TRPM8: variants seen among roughly 807,000 people sequenced by gnomAD.
TRPM8 encodes transient receptor potential cation channel subfamily M member 8, also known as TRPM8 cationic channel.
A neutral mutation model predicts 133.7 loss-of-function variants in TRPM8; 110 were observed. The ratio of observed to expected loss-of-function variants is 0.82; its 90% CI spans 0.70 to 0.96. The LOEUF is 0.96. Among genes scored for constraint, TRPM8 ranks in the 40% least tolerant of loss-of-function variants. TRPM8 has a pLI of 0.00. For missense variants in TRPM8, 1,291 were observed against 1,379.5 expected, an observed-to-expected ratio of 0.94 and a Z score of 1.02; for synonymous variants, 535 against 532.3, an observed-to-expected ratio of 1.01 and a Z score of -0.07.
In TRPM8 at chr2:234,017,452, A is replaced by G. The variant is rs1692984713; in HGVS notation, c.*196A>G. Reference sequence around the variant, plus strand: ...TGATTGGTTTCATACTTGAAGACGGATATAAAGGAAGAATATTTCCTTTAT... The same window carrying G: ...TGATTGGTTTCATACTTGAAGACGGGTATAAAGGAAGAATATTTCCTTTAT... On this transcript the variant is annotated 3_prime_UTR_variant, in exon 26 of 26. Transcript: ENST00000324695. The G allele has an allele frequency of 4.5e-6, 2 of 447,684 alleles. No homozygotes were observed. The highest frequency in any genetic ancestry group is 9.2e-6 in the Non-Finnish European group (2 of 217,796). The allele number at this position is 447,684 out of a possible 1,614,324, so 27.7% of individuals were successfully genotyped here. A position where few individuals can be genotyped will look rare whatever the true frequency, so the allele number is the denominator to read the frequency against.
intron 3 of TRPM8, among the ~76,000 whole-genome samples, chr2:233,936,336 A>G (rs1172385320): frequency 6.6e-6 from 1 of 152,198 alleles, no homozygotes; most frequent in Non-Finnish European, 1.5e-5. Context: ...AGGGAAGAGG[A>G]TTTACCACTG....
Position 234,018,804 on chromosome 2 carries a change from C to T in TRPM8, c.*1548C>T, listed in dbSNP as rs1173851782. The T allele has an allele frequency of 6.6e-6, 1 of 151,380 alleles. No individual in the cohort carries two copies. Among genetic ancestry groups the T allele is most frequent in the Non-Finnish European group, 1.5e-5 (1 of 67,954 alleles). The allele number at this position is 151,380 out of a possible 1,614,324, so 9.4% of individuals were successfully genotyped here. A position where few individuals can be genotyped will look rare whatever the true frequency, so the allele number is the denominator to read the frequency against. On this transcript the variant is annotated 3_prime_UTR_variant, in exon 26 of 26. Transcript: ENST00000324695. ...AGGTTGCAGTGAACCAAGATTGCAC[C>T]ACTGCACTCCAGCCGGGGTGACAGA...
intron 20 of TRPM8, among the ~76,000 whole-genome samples, chr2:233,985,412 G>A (rs1692121044): frequency 6.6e-6 from 1 of 152,226 alleles, no homozygotes; most frequent in South Asian, 2.1e-4. Context: ...TATCCAAAGA[G>A]GCTGGAACGT....
chr2:233,971,625 C>T (rs1318625145), intron 17 of TRPM8, among the ~76,000 whole-genome samples: 1 of 152,044 alleles, frequency 6.6e-6, no homozygotes, highest in Non-Finnish European at 1.5e-5. Context: ...AGTGTTACAG[C>T]TCTTAAGGTG....
At chr2:233,971,741 C>T (rs540962921) in intron 17 of TRPM8, among the ~76,000 whole-genome samples, 61 of 152,072 alleles carry the variant, frequency 4.0e-4, no homozygotes, top group African/African-American at 1.3e-3. Context: ...CAGACCTTTG[C>T]GGTGAGTGTT....
At chr2:234,008,175 C>A in intron 24 of TRPM8, 72 bp downstream of exon 24, 1 of 1,427,388 alleles carries the variant, frequency 7.0e-7, no homozygotes, top group Non-Finnish European at 9.6e-7. Flanking sequence ...CAGCTAGAGG[C>A]CAGTAGTTGT....
intron 11 of TRPM8, among the ~76,000 whole-genome samples, chr2:233,956,611 A>G (rs2125153870): frequency 6.6e-6 from 1 of 152,360 alleles, no homozygotes; most frequent in Admixed American, 6.5e-5. Context: ...CATAACTTTC[A>G]TTCTTGGCAG....
In TRPM8 at chr2:233,989,805, G is replaced by A. The variant is rs933688957; in HGVS notation, c.2939+3940G>A. Among the ~76,000 whole-genome samples the A allele has an allele frequency of 6.6e-6, 1 of 152,120 alleles. No individual in the cohort carries two copies. The highest frequency in any genetic ancestry group is 1.5e-5 in the Non-Finnish European group (1 of 68,022). On this transcript the variant is annotated intron_variant, in intron 21 of 25. Transcript: ENST00000324695. This position sits in a 1 kb window ranked among gnomAD's most constrained non-coding sequence, Gnocchi z 4.2. ...TTCTACATTAAAATTATCGATCACA[G>A]GGCCTGTGTGGCTTATCAGCGGCAG...
chr2:234,015,875 C>T (rs577581796), intron 25 of TRPM8, among the ~76,000 whole-genome samples: 11 of 152,260 alleles, frequency 7.2e-5, no homozygotes, highest in African/African-American at 1.9e-4. Context: ...AAACACATGC[C>T]ATCTTGTTTA....
chr2:233,974,162 G>A (rs1003498872), intron 17 of TRPM8, among the ~76,000 whole-genome samples: 2 of 152,126 alleles, frequency 1.3e-5, no homozygotes, highest in Non-Finnish European at 2.9e-5. Flanking sequence ...GTCTTATCAC[G>A]GACTGGGAAC....
At chr2:233,993,595 C>A (rs78762674) in intron 21 of TRPM8, among the ~76,000 whole-genome samples, 1 of 152,280 alleles carries the variant, frequency 6.6e-6, no homozygotes, top group East Asian at 1.9e-4. Flanking sequence ...TGGCTTGGTC[C>A]CAAGTTGCAG....
chr2:233,994,008 A>G lies in TRPM8; in HGVS notation c.2940-2318A>G, dbSNP rs970772798. Among the ~76,000 whole-genome samples the G allele has an allele frequency of 9.2e-5, 14 of 152,216 alleles. 2 individuals are homozygous for G. Among genetic ancestry groups the G allele is most frequent in the Admixed American group, 9.2e-4 (14 of 15,282 alleles). On this transcript the variant is annotated intron_variant, in intron 21 of 25. Coordinates refer to ENST00000324695, the MANE Select transcript of TRPM8 (RefSeq NM_024080.5). ...GAGCATCTATTTCTTTTTTGGAAAT[A>G]CAACATTGCTTAAAGTATTTTCACA...
intron 24 of TRPM8, chr2:234,013,608 A>G (rs1692891856): frequency 6.6e-6 from 1 of 151,534 alleles, no homozygotes; most frequent in Admixed American, 6.6e-5. Flanking sequence ...TTGTTTTTCA[A>G]CTCTCTTTTT....
Position 233,946,031 on chromosome 2 carries a change from G to A in TRPM8, c.874+1G>A, listed in dbSNP as rs1302177332. The A allele has an allele frequency of 4.3e-6, 7 of 1,613,686 alleles. No homozygotes were observed. Among genetic ancestry groups the A allele is most frequent in the Non-Finnish European group, 5.9e-6 (7 of 1,179,802 alleles). On this transcript the variant is annotated splice_donor_variant, in intron 7 of 25. Coordinates refer to ENST00000324695, the MANE Select transcript of TRPM8 (RefSeq NM_024080.5). LOFTEE classifies it high-confidence loss of function. ...TATATCTCTGAGCGCACTATTCAAGGTCAGTGGTTAGGAGGTAGGACACTA... is the reference window on the plus strand; with the variant it reads ...TATATCTCTGAGCGCACTATTCAAGATCAGTGGTTAGGAGGTAGGACACTA...
intron 25 of TRPM8, 133 bp from the exon 26 acceptor site, chr2:234,017,166 C>A (rs1437540812): frequency 1.5e-5 from 5 of 340,704 alleles, no homozygotes; most frequent in East Asian, 8.1e-5. Context: ...AAAAAAAAAT[C>A]TCTCAACTTT....
chr2:233,970,757 C>T (rs766755133), intron 17 of TRPM8, among the ~76,000 whole-genome samples: 14 of 152,138 alleles, frequency 9.2e-5, no homozygotes, highest in Non-Finnish European at 1.9e-4. Flanking sequence ...TGTGTTCCTG[C>T]CATTACCGTG....
chr2:233,999,253 C>T (rs1349115350), intron 22 of TRPM8, among the ~76,000 whole-genome samples: 1 of 152,056 alleles, frequency 6.6e-6, no homozygotes, highest in African/African-American at 2.4e-5. Context: ...GTCTGGACAT[C>T]CACACGCATT....
intron 16 of TRPM8, 55 bp downstream of exon 16, chr2:233,969,862 GCATCCACA>G: frequency 9.4e-7 from 1 of 1,063,830 alleles, no homozygotes; most frequent in South Asian, 1.3e-5. Flanking sequence ...GTGTGTACAT[GCATCCACA>G]TATGTGTGCT....
intron 2 of TRPM8, among the ~76,000 whole-genome samples, chr2:233,927,223 G>A (rs1225448957): frequency 6.6e-6 from 1 of 152,220 alleles, no homozygotes; most frequent in Admixed American, 6.5e-5. Flanking sequence ...AGTCGGGATA[G>A]CGGCTAGCTT....
Sources: allele counts gnomAD v4.1 joint callset (sites outside exome capture counted in the v4.1 genomes callset), GRCh38; gene constraint gnomAD v4.1.1; non-coding constraint Gnocchi (gnomAD v3.1); transcripts MANE v1.5; gene names NCBI Gene and HGNC (gene_info 2026-07-23, HGNC 2026-07-21).